PDCD11: variants seen among roughly 807,000 people sequenced by gnomAD.
PDCD11 encodes the protein programmed cell death 11.
Under a neutral mutation model 198.9 loss-of-function variants are expected in PDCD11, and 97 were observed. The ratio of observed to expected loss-of-function variants is 0.49; its 90% CI spans 0.41 to 0.58. The LOEUF is 0.58. Among genes scored for constraint, PDCD11 ranks in the 20% least tolerant of loss-of-function variants. The pLI, the probability that PDCD11 is intolerant of heterozygous loss-of-function variation, is 0.00. For missense variants in PDCD11, 2,102 were observed against 2,312.7 expected (o/e 0.91, Z 1.87); for synonymous variants, 893 against 918.0 (o/e 0.97, Z 0.49).
intron 17 of PDCD11, 49 bp downstream of exon 17, chr10:103,421,616 G>T (rs1259407310): frequency 7.1e-7 from 1 of 1,408,784 alleles, no homozygotes; most frequent in Non-Finnish European, 9.8e-7. Flanking sequence ...GGGAGTATGT[G>T]TTGTAAATTA....
In PDCD11 at chr10:103,422,962, C is replaced by A. The variant is rs755880531; in HGVS notation, c.2498-26C>A. 2.2e-5 allele frequency: 33 copies of A among 1,469,392 alleles called. 2 individuals carry two copies. In the Admixed American group the frequency reaches 7.3e-4, roughly 32 times the overall value. 91.0% of individuals were successfully genotyped at this position (1,469,392 alleles called of 1,614,324 possible). On this transcript the variant is annotated intron_variant, in intron 17 of 35. Transcript: ENST00000369797. ...GTGAGAGTTCTTTCATGGTACTAAT[C>A]CGTGTTTCCTTTGGATCTCTGGCAG...
chr10:103,425,521 T>A lies in PDCD11; in HGVS notation c.3301T>A (p.Phe1101Ile). Residue 1101 changes from phenylalanine to isoleucine, a missense_variant, in exon 20 of 36, where the codon TTC (phenylalanine) becomes ATC (isoleucine). Phe to Ile is a conservative substitution (Grantham distance 21). Transcript: ENST00000369797. ...RVIGGRDMKT[F>I]KYLPISHPRF... ...GATTGGCGGGCGAGACATGAAGACA[T>A]TCAAGTATGGAGGCTCTGGGGGTGG... 1 of 1,605,060 alleles carries A rather than the reference T, an allele frequency of 6.2e-7. No homozygotes were observed. Among genetic ancestry groups the A allele is most frequent in the Non-Finnish European group, 8.5e-7 (1 of 1,172,676 alleles).
In PDCD11 at chr10:103,405,099, CAG is replaced by C. The variant is rs755948140; in HGVS notation, c.481_482del (p.Arg161GlyfsTer21). 2.3e-5 allele frequency: 37 copies of C among 1,614,176 alleles called. No individual in the cohort carries two copies. Among genetic ancestry groups the C allele is most frequent in the Non-Finnish European group, 3.1e-5 (37 of 1,180,012 alleles). ...TGGTGAGCAGTCTGGGCATCACAGA[CAG>C]GGGCAAGAAGAGTGTCAAGCTGTCT... ...CVVSSLGITD[R>X]GKKSVKLSLN... On this transcript the variant is annotated frameshift_variant, in exon 5 of 36. Transcript: ENST00000369797. LOFTEE classifies it high-confidence loss of function.
intron 14 of PDCD11, 59 bp from the exon 15 acceptor site, chr10:103,418,381 G>A (rs2031234576): frequency 7.1e-7 from 1 of 1,405,018 alleles, no homozygotes; most frequent in Non-Finnish European, 1.0e-6. Context: ...GCCTAATCCA[G>A]ACCAGGTTGT....
chr10:103,417,708 T>G, intron 13 of PDCD11, 84 bp from the exon 14 acceptor site: 1 of 1,431,470 alleles, frequency 7.0e-7, no homozygotes, highest in South Asian at 1.3e-5. Flanking sequence ...TCCCAAGTCC[T>G]CTGCAGCAGT....
At chr10:103,415,749 G>A (rs565994895) in intron 12 of PDCD11, among the ~76,000 whole-genome samples, 1 of 152,324 alleles carries the variant, frequency 6.6e-6, no homozygotes, top group South Asian at 2.1e-4. Context: ...GGTAGGATTT[G>A]GAAGGTTGGG....
chr10:103,416,846 A>G (rs2031138730), intron 13 of PDCD11, 104 bp downstream of exon 13: 1 of 1,300,994 alleles, frequency 7.7e-7, no homozygotes, highest in Non-Finnish European at 1.1e-6. Flanking sequence ...GCTGAGGAAG[A>G]GAGCACATGG....
In PDCD11 at chr10:103,396,649, G is replaced by A. The variant is rs538495701; in HGVS notation, c.-93G>A. ...CCACACTTCCGGAAGAATTGCACTG[G>A]ACTGTGGGTATCCTGGTCTCCGCGT... On this transcript the variant is annotated 5_prime_UTR_variant, in exon 1 of 36. Coordinates refer to ENST00000369797, the MANE Select transcript of PDCD11 (RefSeq NM_014976.2). 1 of 152,518 alleles carries A rather than the reference G, an allele frequency of 6.6e-6. No individual in the cohort carries two copies. The highest frequency in any genetic ancestry group is 2.4e-5 in the African/African-American group (1 of 41,598). 9.4% of individuals were successfully genotyped at this position (152,518 alleles called of 1,614,324 possible). A position where few individuals can be genotyped will look rare whatever the true frequency, so the allele number is the denominator to read the frequency against.
chr10:103,442,440 C>G lies in PDCD11; in HGVS notation c.4935C>G (p.Ala1645=). Residue 1645 remains alanine, a synonymous_variant, in exon 32 of 36, where the codon GCC becomes GCG. Transcript: ENST00000369797. ...IEKARAVAER[A]LKTISFREEQ... The stretch of plus-strand genomic sequence containing the variant: ...AGGCCCGTGCCGTGGCTGAGAGGGC[C>G]CTTAAGACCATCTCCTTCAGGTCTC... 6.2e-7 allele frequency: 1 copy of G among 1,613,840 alleles called. No individual in the cohort carries two copies. The highest frequency in any genetic ancestry group is 8.5e-7 in the Non-Finnish European group (1 of 1,179,932).
chr10:103,428,935 T>C (rs190739407), intron 21 of PDCD11, among the ~76,000 whole-genome samples: 3 of 152,338 alleles, frequency 2.0e-5, no homozygotes, highest in Admixed American at 6.5e-5. Flanking sequence ...CCATGGACCT[T>C]TGTTGTACTG....
At chr10:103,432,682 T>TG (rs887793451) in intron 22 of PDCD11, among the ~76,000 whole-genome samples, 1 of 152,222 alleles carries the variant, frequency 6.6e-6, no homozygotes, top group African/African-American at 2.4e-5. Flanking sequence ...GAGAGGCGGC[T>TG]GGATTGGGTT....
chr10:103,402,984 G>C, intron 3 of PDCD11, 134 bp from the exon 4 acceptor site: 1 of 818,326 alleles, frequency 1.2e-6, no homozygotes, highest in Non-Finnish European at 2.0e-6. Flanking sequence ...GCCACCCAAA[G>C]TATTGGAATT....
intron 12 of PDCD11, 148 bp downstream of exon 12, chr10:103,415,299 GT>G (rs1373338092): frequency 1.3e-6 from 1 of 763,088 alleles, no homozygotes; most frequent in Non-Finnish European, 2.1e-6. Flanking sequence ...AGAAAAGTGA[GT>G]CCCCGTTTTG....
intron 21 of PDCD11, 38 bp from the exon 22 acceptor site, chr10:103,432,091 A>C (rs1207473421): frequency 6.1e-6 from 9 of 1,478,378 alleles, no homozygotes; most frequent in Non-Finnish European, 8.5e-6. Context: ...TCTTATCCAG[A>C]GATGGGTTTA....
At chr10:103,406,563 CT>C in intron 6 of PDCD11, 45 bp from the exon 7 acceptor site, 1 of 1,573,238 alleles carries the variant, frequency 6.4e-7, no homozygotes. Flanking sequence ...AAAAGTCCTT[CT>C]CATAGATACA....
intron 21 of PDCD11, among the ~76,000 whole-genome samples, chr10:103,428,237 G>A (rs1234101335): frequency 3.3e-5 from 5 of 151,792 alleles, no homozygotes; most frequent in Non-Finnish European, 5.9e-5. Flanking sequence ...TTTGGGAGAC[G>A]GAGGTTGGAG....
chr10:103,399,650 TG>T (rs2093454053), intron 2 of PDCD11: 1 of 152,236 alleles, frequency 6.6e-6, no homozygotes, highest in Admixed American at 6.5e-5. Flanking sequence ...GCTTTAGGTC[TG>T]TATTATGTAA....
chr10:103,401,407 G>C (rs1208724614), intron 3 of PDCD11, among the ~76,000 whole-genome samples: 1 of 151,848 alleles, frequency 6.6e-6, no homozygotes, highest in Non-Finnish European at 1.5e-5. Context: ...TGAGTAGCTG[G>C]GATTACAGGT....
At chr10:103,406,363 C>T (rs986269154) in intron 6 of PDCD11, among the ~76,000 whole-genome samples, 5 of 152,092 alleles carry the variant, frequency 3.3e-5, no homozygotes, top group Non-Finnish European at 5.9e-5. Context: ...CAATTAGGGC[C>T]CCCATGGCTT....
Sources: gnomAD v4.1 joint callset for allele counts (sites outside exome capture counted in the v4.1 genomes callset) on GRCh38, gnomAD v4.1.1 for gene constraint, MANE v1.5 for transcripts, NCBI Gene and HGNC (gene_info 2026-07-23, HGNC 2026-07-21) for gene names.